The following CCNE2 variants were observed in gnomAD, a reference collection of about 807,000 sequenced individuals.
CCNE2 encodes the protein cyclin E2.
In CCNE2, 18 loss-of-function variants were observed where a neutral mutation model predicts 56.8. The ratio of observed to expected loss-of-function variants is 0.32; its 90% CI spans 0.22 to 0.47. CCNE2 has a LOEUF of 0.47. Among genes scored for constraint, CCNE2 ranks in the 20% least tolerant of loss-of-function variants. CCNE2 has a pLI of 1.00. For synonymous variants in CCNE2, 139 were observed against 149.2 expected (o/e 0.93, Z 0.50); for missense variants, 371 against 467.1 (o/e 0.79, Z 1.90).
chr8:94,881,928 G>GTT (rs1006489277), intron 11 of CCNE2, among the ~76,000 whole-genome samples, 183 bp from the exon 12 acceptor site: 1 of 152,120 alleles, frequency 6.6e-6, no homozygotes, highest in African/African-American at 2.4e-5. Context: ...TATCTAGACT[G>GTT]TTGGCATTGA....
intron 10 of CCNE2, 116 bp from the exon 11 acceptor site, chr8:94,882,405 A>G (rs1002971577): frequency 1.6e-5 from 13 of 806,268 alleles, no homozygotes; most frequent in Non-Finnish European, 2.4e-5. Context: ...ACCAAATCAT[A>G]ACCAAGAAGT....
At chr8:94,892,602 G>A (rs1284370180) in intron 5 of CCNE2, among the ~76,000 whole-genome samples, 1 of 152,116 alleles carries the variant, frequency 6.6e-6, no homozygotes, top group Admixed American at 6.6e-5. Flanking sequence ...ATAGTACTCA[G>A]CAAGCAAATG....
chr8:94,885,782 A>AATCT (rs1187688561), intron 7 of CCNE2, among the ~76,000 whole-genome samples: 2 of 139,978 alleles, frequency 1.4e-5, no homozygotes, highest in Non-Finnish European at 3.0e-5. Context: ...GCAGTGGTGC[A>AATCT]ATCTTGGCTC....
Position 94,882,348 on chromosome 8 carries a change from CAT to C in CCNE2, c.944-61_944-60del. ...AGGTTGTACATCAGAAACTATCTTA[CAT>C]ATGTCTGATGTACTTGTTGCTGTTT... On this transcript the variant is annotated intron_variant, in intron 10 of 11. Coordinates refer to ENST00000308108, the MANE Select transcript of CCNE2 (RefSeq NM_057749.3). 2.2e-6 allele frequency: 3 copies of C among 1,341,794 alleles called. No homozygotes were observed. In the East Asian group the frequency reaches 7.1e-5, roughly 32 times the overall value. 83.1% of individuals were successfully genotyped at this position (1,341,794 alleles called of 1,614,324 possible). A position where few individuals can be genotyped will look rare whatever the true frequency, so the allele number is the denominator to read the frequency against.
chr8:94,882,720 G>T, intron 10 of CCNE2, 61 bp downstream of exon 10: 1 of 1,094,744 alleles, frequency 9.1e-7, no homozygotes, highest in South Asian at 1.3e-5. Flanking sequence ...TTAAAGTTCA[G>T]AGACTGTAGT....
chr8:94,896,279 G>A (rs1229442888), upstream of CCNE2, among the ~76,000 whole-genome samples: 2 of 148,598 alleles, frequency 1.3e-5, no homozygotes, highest in African/African-American at 2.4e-5. Flanking sequence ...CCCCGCCGCC[G>A]CCGCCAGCGC....
chr8:94,882,551 G>A (rs1428709125), intron 10 of CCNE2, among the ~76,000 whole-genome samples: 1 of 152,184 alleles, frequency 6.6e-6, no homozygotes, highest in African/African-American at 2.4e-5. Context: ...AACTCTTAAA[G>A]CAGAACTATA....
At chr8:94,891,897 G>T in intron 5 of CCNE2, 1 of 1,378,832 alleles carries the variant, frequency 7.3e-7, no homozygotes, top group Non-Finnish European at 1.0e-6. Flanking sequence ...TGGTCATTGA[G>T]CATCTCCAAG....
At chr8:94,889,090 G>C (rs1439824394) in intron 6 of CCNE2, among the ~76,000 whole-genome samples, 1 of 151,986 alleles carries the variant, frequency 6.6e-6, no homozygotes. Flanking sequence ...AGAGGTTGCA[G>C]TGAGCTGAGA....
In CCNE2 at chr8:94,880,806, G is replaced by A. The variant is rs1816780658; in HGVS notation, c.*826C>T. On this transcript the variant is annotated 3_prime_UTR_variant, in exon 12 of 12. Transcript: ENST00000308108. ...TAGGGATATCTTAGAGTAGTAAAGT[G>A]ACTTCCTCATATAAATAGTTTGAAA... The A allele has an allele frequency of 2.5e-6, 1 of 398,378 alleles. No individual in the cohort carries two copies. Among genetic ancestry groups the A allele is most frequent in the Non-Finnish European group, 4.4e-6 (1 of 225,770 alleles). 24.7% of individuals were successfully genotyped at this position (398,378 alleles called of 1,614,324 possible).
At chr8:94,895,053 C>T in intron 1 of CCNE2, 124 bp downstream of exon 1, 1 of 409,382 alleles carries the variant, frequency 2.4e-6, no homozygotes, top group Non-Finnish European at 3.3e-6. Context: ...GAACCCATGA[C>T]CCCCAGTCGT....
At chr8:94,887,208 A>G (rs1817069250) in intron 7 of CCNE2, among the ~76,000 whole-genome samples, 1 of 152,172 alleles carries the variant, frequency 6.6e-6, no homozygotes, top group South Asian at 2.1e-4. Flanking sequence ...ACCATCAGAT[A>G]CAAAAATATT....
At chr8:94,885,426 T>A in intron 8 of CCNE2, 37 bp downstream of exon 8, 2 of 1,320,338 alleles carry the variant, frequency 1.5e-6, no homozygotes, top group Non-Finnish European at 2.1e-6. Flanking sequence ...GTAACATGGT[T>A]TCTTTTTTGC....
In CCNE2 at chr8:94,895,155, C is replaced by G. The variant is rs534091364; in HGVS notation, c.-27+22G>C. 78 of 985,428 alleles carry G rather than the reference C, an allele frequency of 7.9e-5. No homozygotes were observed. The African/African-American group carries it at 8.4e-4, about 11-fold the overall frequency. 61.0% of individuals were successfully genotyped at this position (985,428 alleles called of 1,614,324 possible). On this transcript the variant is annotated intron_variant, in intron 1 of 11. Transcript: ENST00000308108. ...GGGCTTTCTTTCCTCCCACATCCCC[C>G]CTACGCGCAGCAACTCCTCACCGCC...
chr8:94,880,765 A>T lies in CCNE2; in HGVS notation c.*867T>A, dbSNP rs930782375. The stretch of plus-strand genomic sequence containing the variant: ...AATAAAGCCTTAGTCACACTAAATT[A>T]AAAAAAAAAATTCCTTAGGGATATC... On this transcript the variant is annotated 3_prime_UTR_variant, in exon 12 of 12. Transcript: ENST00000308108. The T allele has an allele frequency of 1.6e-5, 4 of 257,008 alleles. No homozygotes were observed. The highest frequency in any genetic ancestry group is 2.3e-5 in the African/African-American group (1 of 44,022). The allele number at this position is 257,008 out of a possible 1,614,324, so 15.9% of individuals were successfully genotyped here.
intron 6 of CCNE2, among the ~76,000 whole-genome samples, 160 bp downstream of exon 6, chr8:94,890,255 A>G (rs1208569660): frequency 6.6e-6 from 1 of 152,184 alleles, no homozygotes; most frequent in Non-Finnish European, 1.5e-5. Flanking sequence ...TTATAGAGTC[A>G]CTTTCCACTT....
intron 9 of CCNE2, 138 bp downstream of exon 9, chr8:94,884,927 CTT>C (rs1273148158): frequency 8.8e-6 from 6 of 680,638 alleles, no homozygotes; most frequent in African/African-American, 5.4e-5. Flanking sequence ...GGGGACAGAA[CTT>C]TATGCGTCAA....
intron 5 of CCNE2, chr8:94,891,779 G>A: frequency 7.1e-7 from 1 of 1,418,002 alleles, no homozygotes. Context: ...GCCAAGCAGT[G>A]GGACTGGACA....
chr8:94,880,324 A>G lies in CCNE2; in HGVS notation c.*1308T>C, dbSNP rs1816759088. ...TTAAGTTTATATAATACATATGTAC[A>G]CAATTAGTGGTGTTTTCTTTTCAGA... On this transcript the variant is annotated 3_prime_UTR_variant, in exon 12 of 12. Coordinates refer to ENST00000308108, the MANE Select transcript of CCNE2 (RefSeq NM_057749.3). 4.6e-6 allele frequency: 3 copies of G among 651,498 alleles called. No homozygotes were observed. Among genetic ancestry groups the G allele is most frequent in the African/African-American group, 1.8e-5 (1 of 54,206 alleles). The allele number at this position is 651,498 out of a possible 1,614,324, so 40.4% of individuals were successfully genotyped here.
Sources: gnomAD v4.1 joint callset for allele counts (sites outside exome capture counted in the v4.1 genomes callset) on GRCh38, gnomAD v4.1.1 for gene constraint, MANE v1.5 for transcripts, NCBI Gene and HGNC (gene_info 2026-07-23, HGNC 2026-07-21) for gene names.